PARD3B: variants seen among roughly 807,000 people sequenced by gnomAD.
PARD3B encodes par-3 family cell polarity regulator beta, also known as partitioning defective 3 homolog B.
In PARD3B, 103 loss-of-function variants were observed where a neutral mutation model predicts 130.2. The observed-to-expected ratio is 0.79, with a 90% CI of 0.67 to 0.93. The LOEUF (loss-of-function observed/expected upper bound fraction) is 0.93, where lower values mean the gene tolerates loss of function less well. PARD3B is among the 40% of genes least tolerant of loss of function. The probability of loss-of-function intolerance (pLI) is 0.00; values close to 1 mark genes in which losing one functional copy is unlikely to be tolerated. For missense variants in PARD3B, 1,609 were observed against 1,499.2 expected (o/e 1.07, Z -1.21); for synonymous variants, 583 against 553.2 (o/e 1.05, Z -0.76).
At chr2:204,614,866 T>C (rs2034052822) in intron 1 of PARD3B, among the ~76,000 whole-genome samples, 1 of 152,204 alleles carries the variant, frequency 6.6e-6, no homozygotes, top group African/African-American at 2.4e-5. Context: ...TTATGCTTCC[T>C]CTATATCCTG....
rs1559306829 is a variant in PARD3B, at chr2:204,965,231, C to T, written c.302C>T (p.Pro101Leu). 2 of 1,613,920 alleles carry T rather than the reference C, an allele frequency of 1.2e-6. No individual in the cohort carries two copies. Among genetic ancestry groups the T allele is most frequent in the Non-Finnish European group, 1.7e-6 (2 of 1,179,902 alleles). Residue 101 changes from proline (P) to leucine (L), a missense_variant, in exon 3 of 23, where the codon CCA (proline) becomes CTA (leucine). Physicochemically the swap from Pro to Leu is moderately conservative, Grantham distance 98. Coordinates refer to ENST00000406610, the MANE Select transcript of PARD3B (RefSeq NM_001302769.2). ...PSGNPADRQS[P>L]DAFETEVAAQ... is the part of the protein sequence containing the mutation. ...GGAAACCCTGCAGATCGGCAGAGCC[C>T]AGATGCTTTTGAGACAGAAGTGGCC...
intron 16 of PARD3B, among the ~76,000 whole-genome samples, chr2:205,261,186 C>T (rs1244420124): frequency 6.6e-6 from 1 of 152,124 alleles, no homozygotes; most frequent in African/African-American, 2.4e-5. Context: ...GAGTTTTATT[C>T]ATATTTTGAG....
At chr2:205,087,133 A>G (rs540465645) in intron 4 of PARD3B, among the ~76,000 whole-genome samples, 1 of 152,330 alleles carries the variant, frequency 6.6e-6, no homozygotes, top group African/African-American at 2.4e-5. Context: ...AGTATTCATA[A>G]TACAAACAAA....
At position 204,545,611 on chromosome 2, in the gene PARD3B, CGCCAGGGCCAGG is replaced by C. The variant is rs561632177; in HGVS notation, c.-376_-365del. On this transcript the variant is annotated 5_prime_UTR_variant, in exon 1 of 23. Transcript: ENST00000406610. ...GGCTTGGGGCCGGCCCTGCCAACGC[CGCCAGGGCCAGG>C]GCCAGGGCCAGGACCAGCGACAGGG... is the stretch of plus-strand genomic sequence containing the variant. 1.5e-4 allele frequency among the ~76,000 whole-genome samples: 23 copies of C among 151,892 alleles called. No individual in the cohort carries two copies. Among genetic ancestry groups the C allele is most frequent in the South Asian group, 2.1e-4 (1 of 4,770 alleles).
At chr2:205,145,823 C>A (rs1185171931) in intron 10 of PARD3B, among the ~76,000 whole-genome samples, 724 of 126,176 alleles carry the variant, frequency 5.7e-3, no homozygotes, top group South Asian at 6.9e-3. Flanking sequence ...TCCAAGAAGT[C>A]AAAAAAAAAA....
chr2:204,874,559 G>A (rs1417323114), intron 2 of PARD3B, among the ~76,000 whole-genome samples: 2 of 151,906 alleles, frequency 1.3e-5, no homozygotes, highest in African/African-American at 4.8e-5. Context: ...TACAAGGTAG[G>A]GTAAAATTTT....
At chr2:205,136,701 A>G (rs2032515306) in intron 10 of PARD3B, among the ~76,000 whole-genome samples, 1 of 152,180 alleles carries the variant, frequency 6.6e-6, no homozygotes, top group Admixed American at 6.5e-5. Context: ...CAAACAAAAA[A>G]CAGCACAACA....
chr2:205,591,317 G>C lies in PARD3B; in HGVS notation c.3261-24139G>C, dbSNP rs1316606938. On this transcript the variant is annotated intron_variant, in intron 22 of 22. Coordinates refer to ENST00000406610, the MANE Select transcript of PARD3B (RefSeq NM_001302769.2). The surrounding 1 kb of genome is among the most constrained non-coding windows in gnomAD (Gnocchi z 4.2). ...GCTTCATTTCCATCTGGAGGAAGCAGATTTTTGGAGGAGAAATAAGCCTCT... is the reference window on the plus strand; with the variant it reads ...GCTTCATTTCCATCTGGAGGAAGCACATTTTTGGAGGAGAAATAAGCCTCT... Among the ~76,000 whole-genome samples the C allele has an allele frequency of 6.6e-6, 1 of 152,202 alleles. No individual in the cohort carries two copies. Among genetic ancestry groups the C allele is most frequent in the Admixed American group, 6.5e-5 (1 of 15,280 alleles).
At chr2:205,418,364 T>C (rs1305315687) in intron 19 of PARD3B, among the ~76,000 whole-genome samples, 1 of 152,176 alleles carries the variant, frequency 6.6e-6, no homozygotes, top group Non-Finnish European at 1.5e-5. Flanking sequence ...TCTAGGCACA[T>C]GAGGGAAATG....
chr2:205,120,325 T>C (rs2030533868), intron 7 of PARD3B, among the ~76,000 whole-genome samples: 1 of 152,130 alleles, frequency 6.6e-6, no homozygotes, highest in African/African-American at 2.4e-5. Flanking sequence ...AGAAACTGAT[T>C]CCTATGCAAG....
chr2:204,944,309 T>C (rs1345380511), intron 2 of PARD3B, among the ~76,000 whole-genome samples: 2 of 152,318 alleles, frequency 1.3e-5, no homozygotes, highest in South Asian at 2.1e-4. Flanking sequence ...AGCTGAGCTG[T>C]AGAGGGTAGG....
rs1001861786 is a variant in PARD3B, at chr2:205,101,994, C to A, written c.505-2432C>A. Among the ~76,000 whole-genome samples the A allele has an allele frequency of 4.1e-4, 62 of 152,108 alleles. 1 individual carries two copies. The highest frequency in any genetic ancestry group is 1.4e-3 in the African/African-American group (59 of 41,416). Reference sequence around the variant, plus strand: ...ATACTGAAAACCACTTAATTGTACTCTTTAAAATGGTGACTCTTATGTAAA... The same window carrying A: ...ATACTGAAAACCACTTAATTGTACTATTTAAAATGGTGACTCTTATGTAAA... On this transcript the variant is annotated intron_variant, in intron 4 of 22. Coordinates refer to ENST00000406610, the MANE Select transcript of PARD3B (RefSeq NM_001302769.2).
At chr2:204,778,389 A>T (rs1234234848) in intron 2 of PARD3B, among the ~76,000 whole-genome samples, 1 of 152,192 alleles carries the variant, frequency 6.6e-6, no homozygotes, top group African/African-American at 2.4e-5. Flanking sequence ...TGGAATTGAG[A>T]GAGTTTGTAG....
At chr2:205,543,164 T>C (rs949933966) in intron 21 of PARD3B, among the ~76,000 whole-genome samples, 1 of 152,200 alleles carries the variant, frequency 6.6e-6, no homozygotes, top group Non-Finnish European at 1.5e-5. Context: ...GGAGGCATTG[T>C]GTTAGCACTC....
intron 4 of PARD3B, among the ~76,000 whole-genome samples, chr2:205,050,994 A>T (rs1331479388): frequency 3.3e-5 from 5 of 152,148 alleles, no homozygotes; most frequent in Non-Finnish European, 7.3e-5. Flanking sequence ...ATGATAAATT[A>T]CGTGGCACCC....
intron 2 of PARD3B, among the ~76,000 whole-genome samples, chr2:204,789,522 T>G (rs1373162817): frequency 6.6e-6 from 1 of 152,214 alleles, no homozygotes; most frequent in Non-Finnish European, 1.5e-5. Context: ...TCCTTAAAAC[T>G]CACATACATA....
chr2:205,342,714 T>G (rs779439698), intron 18 of PARD3B, among the ~76,000 whole-genome samples: 9 of 152,158 alleles, frequency 5.9e-5, no homozygotes, highest in Admixed American at 5.2e-4. Flanking sequence ...TATTTAATAT[T>G]AGAACTACTT....
intron 18 of PARD3B, among the ~76,000 whole-genome samples, chr2:205,303,108 G>T (rs1278590718): frequency 2.0e-5 from 3 of 152,002 alleles, no homozygotes; most frequent in Non-Finnish European, 4.4e-5. Flanking sequence ...TTGTTTGTCG[G>T]GGGCTAAAAT....
intron 1 of PARD3B, among the ~76,000 whole-genome samples, chr2:204,589,133 GTA>G (rs2032965051): frequency 6.6e-6 from 1 of 152,138 alleles, no homozygotes; most frequent in Non-Finnish European, 1.5e-5. Context: ...TCAAGGAGCT[GTA>G]TATACCTGGA....
Sources: gnomAD v4.1 joint callset for allele counts (sites outside exome capture counted in the v4.1 genomes callset) on GRCh38, gnomAD v4.1.1 for gene constraint, Gnocchi (gnomAD v3.1) non-coding constraint, MANE v1.5 for transcripts, NCBI Gene and HGNC (gene_info 2026-07-23, HGNC 2026-07-21) for gene names.